The following SSH2 variants were observed in gnomAD, a reference collection of about 807,000 sequenced individuals.
The protein encoded by SSH2 is protein phosphatase Slingshot homolog 2.
A neutral mutation model predicts 135.2 loss-of-function variants in SSH2; 37 were observed. The observed-to-expected ratio is 0.27, with a 90% CI of 0.21 to 0.36. The LOEUF (loss-of-function observed/expected upper bound fraction) is 0.36, where lower values mean the gene tolerates loss of function less well. SSH2 is among the 10% of genes least tolerant of loss of function. SSH2 has a pLI of 1.00. For synonymous variants in SSH2, 628 were observed against 646.2 expected, an observed-to-expected ratio of 0.97 and a Z score of 0.43; for missense variants, 1,408 against 1,765.3, an observed-to-expected ratio of 0.80 and a Z score of 3.63.
chr17:29,718,045 AC>A (rs2039687058), intron 3 of SSH2, among the ~76,000 whole-genome samples: 1 of 152,180 alleles, frequency 6.6e-6, no homozygotes, highest in African/African-American at 2.4e-5. Context: ...CAGTGTTTCT[AC>A]TTTCTCATTT....
In SSH2 at chr17:29,879,650, T is replaced by C. The variant is rs907812375; in HGVS notation, c.64-30721A>G. 5.9e-5 allele frequency among the ~76,000 whole-genome samples: 9 copies of C among 152,234 alleles called. No individual in the cohort carries two copies. In the East Asian group the frequency reaches 1.4e-3, roughly 23 times the overall value. ...AAATGCAACTCATCCCTAAAGTTAA[T>C]AAATACTCCCCAAATCAAACAAAAC... On this transcript the variant is annotated intron_variant, in intron 1 of 15. Transcript: ENST00000540801.
chr17:29,732,556 A>G (rs2040231051), intron 3 of SSH2, among the ~76,000 whole-genome samples: 1 of 152,220 alleles, frequency 6.6e-6, no homozygotes, highest in Non-Finnish European at 1.5e-5. Flanking sequence ...AGCAGAACAA[A>G]AAGTGTTCCT....
intron 8 of SSH2, among the ~76,000 whole-genome samples, chr17:29,675,270 C>T (rs927578827): frequency 1.3e-5 from 2 of 152,116 alleles, no homozygotes; most frequent in Admixed American, 6.5e-5. Flanking sequence ...CACCTCCATC[C>T]TATCAATTCT....
rs1289445043 is a variant in SSH2, at chr17:29,628,295, C to CA, written c.*2545dup. 1 of 152,184 alleles carries CA rather than the reference C, an allele frequency of 6.6e-6. No homozygotes were observed. The highest frequency in any genetic ancestry group is 1.5e-5 in the Non-Finnish European group (1 of 68,034). The allele number at this position is 152,184 out of a possible 1,614,324, so 9.4% of individuals were successfully genotyped here. ...GATAAAAAAAGTAATTATAAAAAGG[C>CA]AGAAAGACTTTCCTCTGCTCTTGAA... On this transcript the variant is annotated 3_prime_UTR_variant, in exon 16 of 16. Transcript: ENST00000540801.
intron 3 of SSH2, among the ~76,000 whole-genome samples, chr17:29,750,087 T>C (rs1277080809): frequency 1.3e-5 from 2 of 152,176 alleles, no homozygotes; most frequent in African/African-American, 4.8e-5. Context: ...TTTAACTTTA[T>C]AAACTTTATA....
intron 3 of SSH2, among the ~76,000 whole-genome samples, chr17:29,783,299 T>C (rs1053725324): frequency 7.3e-6 from 1 of 137,214 alleles, no homozygotes; most frequent in Non-Finnish European, 1.5e-5. Flanking sequence ...ATAATATTTA[T>C]ATAGTTATAT....
chr17:29,897,116 G>A (rs1599158851), intron 1 of SSH2, among the ~76,000 whole-genome samples: 5 of 151,712 alleles, frequency 3.3e-5, no homozygotes, highest in South Asian at 2.1e-4. Flanking sequence ...TAAATAAAAC[G>A]AGCTCCTGAA....
chr17:29,913,347 A>AAAAAAAAAAAAAAAAAATTATATATAT, intron 1 of SSH2, among the ~76,000 whole-genome samples: 1 of 28,786 alleles, frequency 3.5e-5, no homozygotes, highest in African/African-American at 1.2e-4. Context: ...AAAAAAAAAA[A>AAAAAAAAAAAAAAAAAATTATATATAT]ATATATATAT....
chr17:29,652,382 C>T (rs1450304117), intron 12 of SSH2, among the ~76,000 whole-genome samples: 1 of 151,900 alleles, frequency 6.6e-6, no homozygotes, highest in Non-Finnish European at 1.5e-5. Context: ...ATTGTTGGGG[C>T]AGGGGTAAGA....
chr17:29,729,136 T>C (rs925173562), intron 3 of SSH2, among the ~76,000 whole-genome samples: 1 of 152,080 alleles, frequency 6.6e-6, no homozygotes. Context: ...AAACTACCCA[T>C]CTGACAAGGG....
At chr17:29,696,235 AGAGT>A (rs1263557890) in intron 4 of SSH2, among the ~76,000 whole-genome samples, 3 of 150,400 alleles carry the variant, frequency 2.0e-5, no homozygotes, top group Non-Finnish European at 3.0e-5. Context: ...ACATATACAC[AGAGT>A]GAGACTCCGT....
At chr17:29,789,075 C>G (rs1008404595) in intron 3 of SSH2, among the ~76,000 whole-genome samples, 9 of 152,140 alleles carry the variant, frequency 5.9e-5, no homozygotes, top group African/African-American at 2.2e-4. Context: ...TGTTTGTGTT[C>G]TAGTATTTTG....
intron 5 of SSH2, among the ~76,000 whole-genome samples, chr17:29,686,062 G>A (rs2038206350): frequency 6.6e-6 from 1 of 151,816 alleles, no homozygotes; most frequent in African/African-American, 2.4e-5. Context: ...TGGTCAGGCT[G>A]GTCTCAAACT....
chr17:29,721,616 C>T (rs891780457), intron 3 of SSH2, among the ~76,000 whole-genome samples: 3 of 152,246 alleles, frequency 2.0e-5, no homozygotes, highest in African/African-American at 7.2e-5. Flanking sequence ...AGGTCCAACC[C>T]TTCAAATGTC....
intron 13 of SSH2, 31 bp from the exon 14 acceptor site, chr17:29,648,375 G>C: frequency 1.9e-6 from 3 of 1,550,362 alleles, no homozygotes; most frequent in Non-Finnish European, 2.6e-6. Flanking sequence ...AAAGAATAGA[G>C]GAAAATACAA....
intron 3 of SSH2, among the ~76,000 whole-genome samples, chr17:29,773,670 GTTAT>G (rs2041634730): frequency 1.3e-5 from 2 of 152,224 alleles, no homozygotes; most frequent in Middle Eastern, 3.4e-3. Context: ...GATCATTTGG[GTTAT>G]TTTTTTTATT....
intron 6 of SSH2, among the ~76,000 whole-genome samples, chr17:29,683,459 C>G (rs997248924): frequency 6.6e-6 from 1 of 152,128 alleles, no homozygotes; most frequent in South Asian, 2.1e-4. Context: ...ATCCCCGCCC[C>G]GCCCACCATC....
At chr17:29,864,976 A>C (rs1279406448) in intron 1 of SSH2, among the ~76,000 whole-genome samples, 1 of 152,190 alleles carries the variant, frequency 6.6e-6, no homozygotes, top group Non-Finnish European at 1.5e-5. Context: ...CACTGGTCCA[A>C]AGTATTTGCT....
intron 3 of SSH2, among the ~76,000 whole-genome samples, chr17:29,747,077 A>G (rs1433404723): frequency 6.6e-6 from 1 of 152,242 alleles, no homozygotes; most frequent in African/African-American, 2.4e-5. Context: ...TACAGATGAT[A>G]AAAGTAACAA....
Sources: gnomAD v4.1 joint callset for allele counts (sites outside exome capture counted in the v4.1 genomes callset) on GRCh38, gnomAD v4.1.1 for gene constraint, MANE v1.5 for transcripts, NCBI Gene and HGNC (gene_info 2026-07-23, HGNC 2026-07-21) for gene names.